MATN2: variants seen among roughly 807,000 people sequenced by gnomAD.
MATN2 encodes the protein matrilin-2.
A neutral mutation model predicts 103.2 loss-of-function variants in MATN2; 69 were observed. That is an observed-to-expected ratio of 0.67 (90% CI 0.55 to 0.82). The LOEUF (loss-of-function observed/expected upper bound fraction) is 0.82, where lower values mean the gene tolerates loss of function less well. Among genes scored for constraint, MATN2 ranks in the 40% least tolerant of loss-of-function variants. The pLI is 0.00. For synonymous variants in MATN2, 429 were observed against 450.2 expected, an observed-to-expected ratio of 0.95 and a Z score of 0.60; for missense variants, 1,023 against 1,211.5, an observed-to-expected ratio of 0.84 and a Z score of 2.31.
intron 4 of MATN2, among the ~76,000 whole-genome samples, chr8:97,948,090 C>A (rs527930976): frequency 6.6e-6 from 1 of 152,156 alleles, no homozygotes. Context: ...TCTTGGGGGC[C>A]ATTTTCAACA....
chr8:97,891,932 T>C (rs113340062), intron 2 of MATN2, among the ~76,000 whole-genome samples: 10,372 of 151,546 alleles, frequency 0.068, 401 homozygotes, highest in African/African-American at 0.082. Flanking sequence ...GGATACCTTG[T>C]CTCTACAAAA....
chr8:97,956,324 C>CCGG (rs1262787952), intron 4 of MATN2, among the ~76,000 whole-genome samples: 1 of 152,106 alleles, frequency 6.6e-6, no homozygotes, highest in Admixed American at 6.5e-5. Context: ...ATTACAGGCA[C>CCGG]CTGCCACCAC....
chr8:97,979,127 A>G, intron 6 of MATN2, 119 bp downstream of exon 6: 1 of 1,200,762 alleles, frequency 8.3e-7, no homozygotes, highest in Non-Finnish European at 1.1e-6. Flanking sequence ...GGGGTCTAAT[A>G]CCTTTTGCCC....
At chr8:97,877,311 C>T (rs924315028) in intron 1 of MATN2, among the ~76,000 whole-genome samples, 4 of 151,834 alleles carry the variant, frequency 2.6e-5, no homozygotes, top group African/African-American at 9.7e-5. Context: ...AACCCTGTCT[C>T]TACTAAAAAT....
At chr8:97,939,019 G>A (rs1810468698) in intron 3 of MATN2, among the ~76,000 whole-genome samples, 1 of 151,822 alleles carries the variant, frequency 6.6e-6, no homozygotes, top group African/African-American at 2.4e-5. Flanking sequence ...ACAGGCACCT[G>A]CCACCATTCC....
At chr8:97,939,983 A>G (rs1294692578) in intron 3 of MATN2, among the ~76,000 whole-genome samples, 1 of 152,230 alleles carries the variant, frequency 6.6e-6, no homozygotes, top group Non-Finnish European at 1.5e-5. Context: ...ATAAGACAAA[A>G]TGCCACCATA....
intron 4 of MATN2, among the ~76,000 whole-genome samples, chr8:97,957,969 G>A (rs1018786663): frequency 3.9e-5 from 6 of 152,068 alleles, no homozygotes; most frequent in Non-Finnish European, 7.4e-5. Flanking sequence ...ACTCTTCTGC[G>A]GATATCCCAG....
intron 18 of MATN2, 106 bp downstream of exon 18, chr8:98,033,765 A>G: frequency 1.3e-6 from 1 of 799,204 alleles, no homozygotes; most frequent in Middle Eastern, 2.5e-4. Flanking sequence ...CCACGAAGTC[A>G]CAAAGAACAG....
At chr8:97,873,229 A>G (rs1817958183) in intron 1 of MATN2, among the ~76,000 whole-genome samples, 1 of 152,246 alleles carries the variant, frequency 6.6e-6, no homozygotes, top group African/African-American at 2.4e-5. Flanking sequence ...ATTTAGAAAA[A>G]AGAAAGAAAT....
intron 6 of MATN2, among the ~76,000 whole-genome samples, chr8:97,984,130 C>T (rs1468604152): frequency 6.6e-6 from 1 of 152,170 alleles, no homozygotes; most frequent in African/African-American, 2.4e-5. Context: ...TAAAGTTCAA[C>T]CTAGTTCTTG....
intron 5 of MATN2, among the ~76,000 whole-genome samples, chr8:97,962,463 A>C (rs1811348137): frequency 6.6e-6 from 1 of 152,248 alleles, no homozygotes; most frequent in Non-Finnish European, 1.5e-5. Flanking sequence ...CAACAAAACA[A>C]AAGTTAGGTG....
At chr8:97,913,210 T>C (rs1294312225) in intron 2 of MATN2, among the ~76,000 whole-genome samples, 1 of 151,700 alleles carries the variant, frequency 6.6e-6, no homozygotes, top group Non-Finnish European at 1.5e-5. Context: ...TGAAAGATAG[T>C]CTGGGAAATA....
intron 2 of MATN2, among the ~76,000 whole-genome samples, chr8:97,922,185 C>T (rs759562718): frequency 6.6e-6 from 1 of 152,196 alleles, no homozygotes; most frequent in Non-Finnish European, 1.5e-5. Context: ...GCTGGCTTAT[C>T]GGATGCAATT....
chr8:98,026,909 T>C (rs530920588), intron 13 of MATN2, among the ~76,000 whole-genome samples: 1 of 152,270 alleles, frequency 6.6e-6, no homozygotes, highest in South Asian at 2.1e-4. Context: ...TTTGGTTGAA[T>C]AAATTAGTAG....
chr8:97,992,745 CAAA>C lies in MATN2; in HGVS notation c.1082-1712_1082-1710del, dbSNP rs58985201. 2.0e-3 allele frequency among the ~76,000 whole-genome samples: 100 copies of C among 49,574 alleles called. 1 individual carries two copies. The Middle Eastern group carries it at 0.025, about 13-fold the overall frequency. The allele number at this position is 49,574 out of a possible 152,430, so 32.5% of individuals were successfully genotyped here. A position where few individuals can be genotyped will look rare whatever the true frequency, so the allele number is the denominator to read the frequency against. On this transcript the variant is annotated intron_variant, in intron 6 of 18. Coordinates refer to ENST00000254898, the MANE Select transcript of MATN2 (RefSeq NM_002380.5). The stretch of plus-strand genomic sequence containing the variant: ...TGGGTGTTAGAGTGAGACTCCATCT[CAAA>C]AAAAAAAAAAAAAAAAAAAAAATTA...
chr8:98,032,814 G>A (rs886369118), intron 16 of MATN2, among the ~76,000 whole-genome samples: 2 of 152,068 alleles, frequency 1.3e-5, no homozygotes, highest in Non-Finnish European at 2.9e-5. Context: ...TTACAGACAT[G>A]AGCCACTGTG....
At chr8:97,927,010 G>T (rs991330086) in intron 2 of MATN2, among the ~76,000 whole-genome samples, 3 of 152,224 alleles carry the variant, frequency 2.0e-5, no homozygotes, top group Non-Finnish European at 2.9e-5. Context: ...TCTTTGACCT[G>T]TGTGTGTCCC....
At chr8:97,910,387 G>T (rs1450343209) in intron 2 of MATN2, among the ~76,000 whole-genome samples, 1 of 152,148 alleles carries the variant, frequency 6.6e-6, no homozygotes, top group Non-Finnish European at 1.5e-5. Context: ...CACTTCTTCT[G>T]CTGGATTGGG....
At chr8:98,018,188 C>T (rs1813441174) in intron 12 of MATN2, 72 bp downstream of exon 12, 1 of 1,579,130 alleles carries the variant, frequency 6.3e-7, no homozygotes, top group Non-Finnish European at 8.6e-7. Context: ...TCATTTAATC[C>T]TTAAAGTCCT....
Sources: allele counts gnomAD v4.1 joint callset (sites outside exome capture counted in the v4.1 genomes callset), GRCh38; gene constraint gnomAD v4.1.1; transcripts MANE v1.5; gene names NCBI Gene and HGNC (gene_info 2026-07-23, HGNC 2026-07-21).